CNTN4: variants seen among roughly 807,000 people sequenced by gnomAD.
The protein encoded by CNTN4 is contactin 4.
A neutral mutation model predicts 122.5 loss-of-function variants in CNTN4; 77 were observed. The observed-to-expected ratio is 0.63, with a 90% CI of 0.52 to 0.76. The LOEUF is 0.76. Among genes scored for constraint, CNTN4 ranks in the 30% least tolerant of loss-of-function variants. CNTN4 has a pLI of 0.00. For missense variants in CNTN4, 1,256 were observed against 1,259.1 expected (o/e 1.00, Z 0.04); for synonymous variants, 512 against 447.0 (o/e 1.15, Z -1.83).
intron 7 of CNTN4, among the ~76,000 whole-genome samples, chr3:2,861,506 C>G (rs1002438744): frequency 6.6e-6 from 1 of 152,162 alleles, no homozygotes; most frequent in African/African-American, 2.4e-5. Context: ...CATTTAAATT[C>G]AACCTCACAA....
In CNTN4 at chr3:2,363,689, A is replaced by G. The variant is rs568912712; in HGVS notation, c.-89+24456A>G. Reference sequence around the variant, plus strand: ...CTGCACTCTGATACTGTCTACAAAAATTACCAAAGTCTAACATCTTTCCTC... The same window carrying G: ...CTGCACTCTGATACTGTCTACAAAAGTTACCAAAGTCTAACATCTTTCCTC... On this transcript the variant is annotated intron_variant, in intron 3 of 24. Transcript: ENST00000418658. Among the ~76,000 whole-genome samples the G allele has an allele frequency of 1.2e-3, 188 of 152,288 alleles. 1 individual carries two copies. Among genetic ancestry groups the G allele is most frequent in the African/African-American group, 4.4e-3 (181 of 41,584 alleles).
intron 4 of CNTN4, among the ~76,000 whole-genome samples, chr3:2,710,479 G>C (rs183732521): frequency 9.9e-5 from 15 of 152,272 alleles, no homozygotes; most frequent in Middle Eastern, 3.4e-3. Context: ...GCTCTGTGTA[G>C]TTATAACCTG....
At chr3:2,488,071 A>G (rs1190878559) in intron 3 of CNTN4, among the ~76,000 whole-genome samples, 2 of 152,176 alleles carry the variant, frequency 1.3e-5, no homozygotes, top group African/African-American at 4.8e-5. Flanking sequence ...ATTAAACTAT[A>G]TATAGTTATC....
At chr3:2,398,205 G>C (rs532998120) in intron 3 of CNTN4, among the ~76,000 whole-genome samples, 29 of 152,174 alleles carry the variant, frequency 1.9e-4, no homozygotes, top group African/African-American at 6.5e-4. Context: ...TTTTAAGTAT[G>C]CTTAAAGAAT....
At chr3:2,232,144 C>T (rs1297499790) in intron 2 of CNTN4, among the ~76,000 whole-genome samples, 9 of 152,006 alleles carry the variant, frequency 5.9e-5, no homozygotes, top group Admixed American at 3.3e-4. Flanking sequence ...ACATCATCAT[C>T]GTCATCCAAT....
intron 13 of CNTN4, among the ~76,000 whole-genome samples, chr3:2,944,048 T>A (rs1179733507): frequency 6.6e-6 from 1 of 152,008 alleles, no homozygotes; most frequent in Non-Finnish European, 1.5e-5. Flanking sequence ...AAAATAAAAA[T>A]CCATTGATGA....
intron 2 of CNTN4, among the ~76,000 whole-genome samples, chr3:2,204,903 A>G (rs535433674): frequency 1.3e-5 from 2 of 152,290 alleles, no homozygotes; most frequent in African/African-American, 4.8e-5. Flanking sequence ...ATGTCTCATA[A>G]TTATCAGTAC....
At chr3:2,787,642 T>C (rs540656718) in intron 6 of CNTN4, among the ~76,000 whole-genome samples, 1 of 152,332 alleles carries the variant, frequency 6.6e-6, no homozygotes, top group East Asian at 1.9e-4. Flanking sequence ...ACCAGCTATT[T>C]AACCACAGTC....
At position 2,428,167 on chromosome 3, in the gene CNTN4, C is replaced by T. The variant is rs186119835; in HGVS notation, c.-89+88934C>T. Among the ~76,000 whole-genome samples, 738 of 152,242 alleles carry T rather than the reference C, an allele frequency of 4.8e-3. 4 individuals are homozygous for T. The highest frequency in any genetic ancestry group is 0.017 in the African/African-American group (702 of 41,540). On this transcript the variant is annotated intron_variant, in intron 3 of 24. Transcript: ENST00000418658. ...AGTTGATGCAGTTTCTTCCTAGCCT[C>T]GATGGTCTTTACAATTTGGCATGTT...
intron 7 of CNTN4, among the ~76,000 whole-genome samples, chr3:2,825,578 A>G (rs1222788145): frequency 6.6e-6 from 1 of 152,030 alleles, no homozygotes; most frequent in Non-Finnish European, 1.5e-5. Flanking sequence ...AGTCCCAGCT[A>G]TTTGAGAGGA....
chr3:2,534,575 AT>A (rs1342529459), intron 3 of CNTN4, among the ~76,000 whole-genome samples: 2 of 151,866 alleles, frequency 1.3e-5, no homozygotes, highest in African/African-American at 4.8e-5. Context: ...GATCTTAGCC[AT>A]GTACTGTTGG....
chr3:2,988,228 C>G (rs1445872046), intron 13 of CNTN4, 117 bp from the exon 14 acceptor site: 1 of 980,550 alleles, frequency 1.0e-6, no homozygotes, highest in African/African-American at 1.6e-5. Flanking sequence ...GTCATCTTTA[C>G]TACAAATAAT....
chr3:2,140,458 A>G (rs1382380401), intron 2 of CNTN4, among the ~76,000 whole-genome samples: 1 of 152,206 alleles, frequency 6.6e-6, no homozygotes, highest in African/African-American at 2.4e-5. Context: ...TGGAAGTCCA[A>G]GATCACGGCA....
intron 13 of CNTN4, among the ~76,000 whole-genome samples, chr3:2,985,734 T>C (rs1456531768): frequency 6.6e-6 from 1 of 152,160 alleles, no homozygotes; most frequent in Non-Finnish European, 1.5e-5. Flanking sequence ...GTCTGCCTCT[T>C]GTACCTTGAT....
At chr3:2,935,448 C>T (rs936949846) in intron 13 of CNTN4, among the ~76,000 whole-genome samples, 4 of 152,136 alleles carry the variant, frequency 2.6e-5, no homozygotes, top group African/African-American at 7.2e-5. Context: ...GTGAATTTTG[C>T]AATGATTCAA....
At chr3:2,337,771 A>G (rs2044014276) in intron 2 of CNTN4, among the ~76,000 whole-genome samples, 2 of 151,974 alleles carry the variant, frequency 1.3e-5, no homozygotes, top group South Asian at 4.1e-4. Context: ...GAAAAAATAT[A>G]TATGACAAAT....
Position 2,432,551 on chromosome 3 carries a change from C to G in CNTN4, c.-89+93318C>G, listed in dbSNP as rs557902096. The stretch of plus-strand genomic sequence containing the variant: ...GCCAGATATGACAGCATTTCTCCCC[C>G]TTTTTAAAGCCAAATAGTATTCCAC... On this transcript the variant is annotated intron_variant, in intron 3 of 24. Coordinates refer to ENST00000418658, the MANE Select transcript of CNTN4 (RefSeq NM_175607.3). 2.0e-5 allele frequency among the ~76,000 whole-genome samples: 3 copies of G among 151,974 alleles called. No individual in the cohort carries two copies. In the East Asian group the frequency reaches 5.8e-4, roughly 29 times the overall value.
intron 3 of CNTN4, among the ~76,000 whole-genome samples, chr3:2,522,359 G>A (rs1559633635): frequency 6.6e-6 from 1 of 152,016 alleles, no homozygotes; most frequent in Non-Finnish European, 1.5e-5. Context: ...ATTTTCCACA[G>A]AGACTCTAAC....
chr3:2,522,374 G>C (rs991052216), intron 3 of CNTN4, among the ~76,000 whole-genome samples: 1 of 151,916 alleles, frequency 6.6e-6, no homozygotes, highest in African/African-American at 2.4e-5. Flanking sequence ...TCTAACAAAC[G>C]ATGTAGTCTT....
Sources: allele counts gnomAD v4.1 joint callset (sites outside exome capture counted in the v4.1 genomes callset), GRCh38; gene constraint gnomAD v4.1.1; transcripts MANE v1.5; gene names NCBI Gene and HGNC (gene_info 2026-07-23, HGNC 2026-07-21).